Variants in DDX1 observed in about 807,000 individuals in gnomAD.
DDX1 encodes DEAD-box helicase 1.
DDX1 carries 28 observed loss-of-function variants against 108.7 expected under a neutral mutation model. That is an observed-to-expected ratio of 0.26 (90% CI 0.19 to 0.35). The LOEUF (loss-of-function observed/expected upper bound fraction) is 0.35, where lower values mean the gene tolerates loss of function less well. Among genes scored for constraint, DDX1 ranks in the 10% least tolerant of loss-of-function variants. DDX1 has a pLI of 1.00. For missense variants in DDX1, 710 were observed against 884.5 expected, an observed-to-expected ratio of 0.80 and a Z score of 2.50; for synonymous variants, 295 against 288.9, an observed-to-expected ratio of 1.02 and a Z score of -0.21.
At chr2:15,614,112 C>T (rs1028726675) in intron 14 of DDX1, among the ~76,000 whole-genome samples, 7 of 152,112 alleles carry the variant, frequency 4.6e-5, no homozygotes, top group Non-Finnish European at 7.4e-5. Flanking sequence ...TGAACTACTG[C>T]GCCTGGCCGA....
In DDX1 at chr2:15,609,949, T is replaced by C. The variant is rs543386006; in HGVS notation, c.956+2636T>C. ...GTGATTCTTTTTGGTTTTGGTTTTA[T>C]TTTTGAGATGAGGTCTCACTCTGTC... On this transcript the variant is annotated intron_variant, in intron 13 of 25. Coordinates refer to ENST00000233084, the MANE Select transcript of DDX1 (RefSeq NM_004939.3). 2.0e-4 allele frequency among the ~76,000 whole-genome samples: 31 copies of C among 152,334 alleles called. 1 individual carries two copies. In the South Asian group the frequency reaches 6.4e-3, roughly 32 times the overall value.
Position 15,595,128 on chromosome 2 carries a change from T to C in DDX1, c.17-17T>C. ...ATTTCAGTTTATGTGGTTTTTAAAATTAATTTTTACTTTCAGAGATGGGTG... is the reference window on the plus strand; with the variant it reads ...ATTTCAGTTTATGTGGTTTTTAAAACTAATTTTTACTTTCAGAGATGGGTG... On this transcript the variant is annotated splice_polypyrimidine_tract_variant and intron_variant, in intron 1 of 25. Coordinates refer to ENST00000233084, the MANE Select transcript of DDX1 (RefSeq NM_004939.3). The C allele has an allele frequency of 6.3e-7, 1 of 1,597,182 alleles. No individual in the cohort carries two copies. The highest frequency in any genetic ancestry group is 8.5e-7 in the Non-Finnish European group (1 of 1,171,012).
In DDX1 at chr2:15,595,270, A is replaced by G. The variant is rs147509428; in HGVS notation, c.68+74A>G. ...TAAACAGTTGTTAGTGATTTTATCA[A>G]ATATTTTTGTGTCTAGTTGGGTAAG... is the stretch of plus-strand genomic sequence containing the variant. On this transcript the variant is annotated intron_variant, in intron 2 of 25. Coordinates refer to ENST00000233084, the MANE Select transcript of DDX1 (RefSeq NM_004939.3). 1.7e-3 allele frequency: 2,255 copies of G among 1,312,914 alleles called. 37 individuals carry two copies. In the African/African-American group the frequency reaches 0.03, roughly 17 times the overall value. The allele number at this position is 1,312,914 out of a possible 1,614,324, so 81.3% of individuals were successfully genotyped here.
intron 1 of DDX1, 36 bp downstream of exon 1, chr2:15,591,985 C>T (rs1229830575): frequency 3.6e-6 from 5 of 1,396,948 alleles, no homozygotes; most frequent in Non-Finnish European, 4.7e-6. Flanking sequence ...GGTGGGGCGG[C>T]TTGTTGCACG....
At chr2:15,603,976 A>G (rs1205497343) in intron 9 of DDX1, 86 bp downstream of exon 9, 22 of 844,982 alleles carry the variant, frequency 2.6e-5, no homozygotes, top group Non-Finnish European at 3.9e-5. Context: ...GGGTATACAA[A>G]TGATTCTCAA....
chr2:15,603,667 G>T, intron 8 of DDX1, 147 bp from the exon 9 acceptor site: 1 of 630,246 alleles, frequency 1.6e-6, no homozygotes, highest in Non-Finnish European at 2.8e-6. Context: ...GCACTGTTTA[G>T]TTTTTTGCAG....
intron 3 of DDX1, among the ~76,000 whole-genome samples, chr2:15,595,993 T>A (rs553115030): frequency 6.6e-6 from 1 of 152,192 alleles, no homozygotes; most frequent in Non-Finnish European, 1.5e-5. Flanking sequence ...CAAGCAATCT[T>A]CCTATTTCAG....
rs1665631548 is a variant in DDX1, at chr2:15,604,342, A to G, written c.553-95A>G. On this transcript the variant is annotated intron_variant, in intron 9 of 25. Coordinates refer to ENST00000233084, the MANE Select transcript of DDX1 (RefSeq NM_004939.3). Reference sequence around the variant, plus strand: ...CTAATAGGCATTTTTGATTTAAATAATTATTTTGAAACACATACTTTTGAT... The same window carrying G: ...CTAATAGGCATTTTTGATTTAAATAGTTATTTTGAAACACATACTTTTGAT... 4 of 811,576 alleles carry G rather than the reference A, an allele frequency of 4.9e-6. No individual in the cohort carries two copies. The Admixed American group carries it at 8.4e-5, about 17-fold the overall frequency. The allele number at this position is 811,576 out of a possible 1,614,324, so 50.3% of individuals were successfully genotyped here.
Position 15,594,475 on chromosome 2 carries a change from C to T in DDX1, c.17-670C>T, listed in dbSNP as rs192307427. ...TGACAAAACCCGGTTAGGAGCAACT[C>T]ATCTCTATTCATTTAGGATGGGCCT... On this transcript the variant is annotated intron_variant, in intron 1 of 25. Coordinates refer to ENST00000233084, the MANE Select transcript of DDX1 (RefSeq NM_004939.3). 4.4e-4 allele frequency among the ~76,000 whole-genome samples: 67 copies of T among 152,284 alleles called. 1 individual carries two copies. Among genetic ancestry groups the T allele is most frequent in the Admixed American group, 2.2e-3 (33 of 15,300 alleles).
chr2:15,591,897 G>A lies in DDX1; in HGVS notation c.-37G>A, dbSNP rs935055023. 8 of 1,466,354 alleles carry A rather than the reference G, an allele frequency of 5.5e-6. No homozygotes were observed. The African/African-American group carries it at 7.4e-5, about 14-fold the overall frequency. 90.8% of individuals were successfully genotyped at this position (1,466,354 alleles called of 1,614,324 possible). On this transcript the variant is annotated 5_prime_UTR_variant, in exon 1 of 26. Coordinates refer to ENST00000233084, the MANE Select transcript of DDX1 (RefSeq NM_004939.3). ...CCACGCCGTGTCAGTCGGGAGGGAG[G>A]GAGCGAGCAGGCGAAGCCGCGGAGG...
rs1666143374 is a variant in DDX1 at position 15,628,820 on chromosome 2, T to A, written c.1856T>A (p.Val619Glu). 7 of 1,613,696 alleles carry A rather than the reference T, an allele frequency of 4.3e-6. No individual in the cohort carries two copies. The highest frequency in any genetic ancestry group is 5.9e-6 in the Non-Finnish European group (7 of 1,179,640). Residue 619 changes from valine to glutamate, a missense_variant, in exon 23 of 26, where the codon GTG (valine) becomes GAG (glutamate). Coordinates refer to ENST00000233084, the MANE Select transcript of DDX1 (RefSeq NM_004939.3). ...AERMGLAISL[V>E]ATEKEKVWYH... ...AGGATGGGTCTGGCAATTTCCCTGG[T>A]GGCAACAGAAAAAGAAAAGGTAATC...
chr2:15,609,176 T>C (rs1665716069), intron 13 of DDX1, among the ~76,000 whole-genome samples: 1 of 152,206 alleles, frequency 6.6e-6, no homozygotes, highest in South Asian at 2.1e-4. Context: ...TAAAAGGATT[T>C]GGGAAGAATG....
In DDX1 at chr2:15,628,857, C is replaced by G. The variant is rs62122280; in HGVS notation, c.1875+18C>G. The G allele has an allele frequency of 0.33, 523,742 of 1,597,854 alleles. 93,985 individuals carry two copies. The highest frequency in any genetic ancestry group is 0.37 in the Middle Eastern group (2,187 of 5,854). ...AAGAAAAGGTAATCTTTGTAGGGCTCTATTATATTCATTGTGTGTGTTGTG... is the reference window on the plus strand; with the variant it reads ...AAGAAAAGGTAATCTTTGTAGGGCTGTATTATATTCATTGTGTGTGTTGTG... On this transcript the variant is annotated intron_variant, in intron 23 of 25. Transcript: ENST00000233084.
At chr2:15,611,521 C>G (rs1665757495) in intron 13 of DDX1, among the ~76,000 whole-genome samples, 2 of 143,448 alleles carry the variant, frequency 1.4e-5, no homozygotes, top group Non-Finnish European at 3.0e-5. Context: ...GGGCTGACCC[C>G]CCCACCTCCC....
At chr2:15,628,307 AT>A in intron 20 of DDX1, 137 bp from the exon 21 acceptor site, 1 of 616,558 alleles carries the variant, frequency 1.6e-6, no homozygotes, top group East Asian at 2.7e-5. Flanking sequence ...GGTCCAGTAA[AT>A]TAGGAGTATG....
chr2:15,622,084 G>A (rs953393136), intron 18 of DDX1, among the ~76,000 whole-genome samples: 2 of 152,184 alleles, frequency 1.3e-5, no homozygotes, highest in African/African-American at 4.8e-5. Flanking sequence ...TATTGCATAA[G>A]AAAGAAAACT....
chr2:15,595,287 T>C, intron 2 of DDX1, 91 bp downstream of exon 2: 1 of 1,197,220 alleles, frequency 8.4e-7, no homozygotes, highest in Non-Finnish European at 1.2e-6. Context: ...TTGTGTCTAG[T>C]TGGGTAAGTG....
At position 15,630,072 on chromosome 2, in the gene DDX1, A is replaced by T; in HGVS notation, c.2054A>T (p.Asp685Val). Residue 685 changes from aspartate to valine, a missense_variant, in exon 25 of 26, where the codon GAT becomes GTT. Asp to Val is a radical substitution (Grantham distance 152). Around this residue, in one of 3 missense-constraint regions of DDX1, gnomAD observed 661 missense variants for 810.2 expected, o/e 0.82. Transcript: ENST00000233084. The part of the protein sequence containing the change: ...PDIKVPVDEF[D>V]GKVTYGQKRA... The stretch of plus-strand genomic sequence containing the variant: ...ATAAAGGTACCAGTGGATGAATTTG[A>T]TGGGAAAGTTACCTACGGTCAGAAA... 6.2e-7 allele frequency: 1 copy of T among 1,613,742 alleles called. No homozygotes were observed. Among genetic ancestry groups the T allele is most frequent in the Non-Finnish European group, 8.5e-7 (1 of 1,179,770 alleles).
chr2:15,614,778 A>G (rs1035957636), intron 14 of DDX1, among the ~76,000 whole-genome samples: 1 of 152,240 alleles, frequency 6.6e-6, no homozygotes, highest in Non-Finnish European at 1.5e-5. Context: ...CTGTTAAAAC[A>G]GCAGAAAATG....
Sources: gnomAD v4.1 joint callset for allele counts (sites outside exome capture counted in the v4.1 genomes callset) on GRCh38, gnomAD v4.1.1 for gene constraint, gnomAD v4.1.1 regional missense constraint, MANE v1.5 for transcripts, NCBI Gene and HGNC (gene_info 2026-07-23, HGNC 2026-07-21) for gene names.